The following HIPK1 variants were observed in gnomAD, a reference collection of about 807,000 sequenced individuals.
HIPK1 encodes homeodomain interacting protein kinase 1, also known as homeodomain-interacting protein kinase 1.
In HIPK1, 28 loss-of-function variants were observed where a neutral mutation model predicts 117.1. That is an observed-to-expected ratio of 0.24 (90% CI 0.18 to 0.33). The LOEUF (loss-of-function observed/expected upper bound fraction) is 0.33. Ranked by LOEUF, HIPK1 falls within the 10% of genes least tolerant of loss-of-function variation. HIPK1 has a pLI of 1.00. For synonymous variants in HIPK1, 605 were observed against 562.5 expected (o/e 1.08, Z -1.07); for missense variants, 1,122 against 1,475.1 (o/e 0.76, Z 3.92).
chr1:113,957,212 A>G lies in HIPK1; in HGVS notation c.1681A>G (p.Thr561Ala). The G allele has an allele frequency of 6.2e-7, 1 of 1,613,696 alleles. No homozygotes were observed. Among genetic ancestry groups the G allele is most frequent in the Non-Finnish European group, 8.5e-7 (1 of 1,179,624 alleles). ...GAGTCAGATCAAGAGTCCCTTCACT[A>G]CACATGTTGCCCCAAATACAAGCAC... ...TVSQIKSPFT[T>A]HVAPNTSTNL... is the part of the protein sequence containing the mutation. Residue 561 changes from threonine (T) to alanine (A), a missense_variant, in exon 7 of 16, where the codon ACA (threonine) becomes GCA (alanine). Thr to Ala is a moderately conservative substitution (Grantham distance 58, BLOSUM62 0). This residue lies in a region of HIPK1 where 731 missense variants were observed against 860.4 expected (regional missense o/e 0.85). Transcript: ENST00000426820.
At chr1:113,964,043 T>G (rs1672299039) in intron 10 of HIPK1, among the ~76,000 whole-genome samples, 2 of 152,222 alleles carry the variant, frequency 1.3e-5, no homozygotes, top group African/African-American at 4.8e-5. Flanking sequence ...TGCTCTTAAT[T>G]TATTGCTTTC....
At position 113,975,660 on chromosome 1, in the gene HIPK1, A is replaced by T. The variant is rs1234808389; in HGVS notation, c.*2148A>T. ...GTATTGCTTACCATGTCCCCATACT[A>T]TGAGGAGAAGTTTTGTGGTGCCGCT... On this transcript the variant is annotated 3_prime_UTR_variant, in exon 16 of 16. Transcript: ENST00000426820. 1 of 152,708 alleles carries T rather than the reference A, an allele frequency of 6.5e-6. No individual in the cohort carries two copies. The highest frequency in any genetic ancestry group is 1.9e-4 in the East Asian group (1 of 5,328). The allele number at this position is 152,708 out of a possible 1,614,324, so 9.5% of individuals were successfully genotyped here. A position where few individuals can be genotyped will look rare whatever the true frequency, so the allele number is the denominator to read the frequency against.
At position 113,974,943 on chromosome 1, in the gene HIPK1, A is replaced by C. The variant is rs1168263336; in HGVS notation, c.*1431A>C. 1.3e-5 allele frequency: 2 copies of C among 152,812 alleles called. No individual in the cohort carries two copies. The highest frequency in any genetic ancestry group is 2.4e-5 in the African/African-American group (1 of 41,460). 9.5% of individuals were successfully genotyped at this position (152,812 alleles called of 1,614,324 possible). ...ATGTCTCCATTGTATTTAAACCAAA[A>C]TGAACTGATACTTGTTGGAATGTAT... On this transcript the variant is annotated 3_prime_UTR_variant, in exon 16 of 16. Transcript: ENST00000426820.
At chr1:113,939,424 G>A (rs886754683) in intron 1 of HIPK1, among the ~76,000 whole-genome samples, 14 of 151,490 alleles carry the variant, frequency 9.2e-5, no homozygotes, top group African/African-American at 1.7e-4. Flanking sequence ...GGCTTGAGGC[G>A]TTGGATGTGT....
At chr1:113,942,652 A>G (rs1426706377) in intron 2 of HIPK1, among the ~76,000 whole-genome samples, 1 of 152,176 alleles carries the variant, frequency 6.6e-6, no homozygotes, top group Non-Finnish European at 1.5e-5. Context: ...TTAATGATAT[A>G]TATTTCTAGA....
intron 14 of HIPK1, 107 bp downstream of exon 14, chr1:113,970,304 C>A: frequency 2.4e-6 from 3 of 1,247,668 alleles, no homozygotes; most frequent in Non-Finnish European, 3.4e-6. Flanking sequence ...GTGGTGTAGA[C>A]ATTCTTAAAG....
intron 1 of HIPK1, chr1:113,933,155 C>T: frequency 1.0e-6 from 1 of 984,556 alleles, no homozygotes; most frequent in Non-Finnish European, 1.2e-6. Context: ...CCAAATAAAT[C>T]TAAGTGAACT....
intron 2 of HIPK1, among the ~76,000 whole-genome samples, chr1:113,947,827 A>G (rs899926379): frequency 1.2e-4 from 19 of 152,202 alleles, no homozygotes; most frequent in Non-Finnish European, 4.4e-5. Context: ...AATTAATGCC[A>G]TTTTCCTACT....
chr1:113,952,800 G>A lies in HIPK1; in HGVS notation c.1111G>A (p.Glu371Lys). Reference sequence around the variant, plus strand: ...AATTATTCTTGGGTTACCATTTTGTGAAGCTATTGATATGTGGTCACTGGG... The same window carrying A: ...AATTATTCTTGGGTTACCATTTTGTAAAGCTATTGATATGTGGTCACTGGG... ...PEIILGLPFC[E>K]AIDMWSLGCV... The change falls in exon 3 of 16, where the codon GAA (glutamate) becomes AAA (lysine). Residue 371 changes from glutamate (E) to lysine (K), a missense_variant. Coordinates refer to ENST00000426820, the MANE Select transcript of HIPK1 (RefSeq NM_198268.3). The A allele has an allele frequency of 6.7e-7, 1 of 1,499,696 alleles. No homozygotes were observed. Among genetic ancestry groups the A allele is most frequent in the East Asian group, 2.5e-5 (1 of 39,966 alleles). 92.9% of individuals were successfully genotyped at this position (1,499,696 alleles called of 1,614,324 possible). A position where few individuals can be genotyped will look rare whatever the true frequency, so the allele number is the denominator to read the frequency against.
intron 2 of HIPK1, among the ~76,000 whole-genome samples, chr1:113,949,072 A>G (rs973191858): frequency 6.6e-6 from 1 of 152,188 alleles, no homozygotes; most frequent in Non-Finnish European, 1.5e-5. Context: ...TCCTGACCTC[A>G]GGCCATCCAC....
At chr1:113,967,726 G>A in intron 11 of HIPK1, 40 bp from the exon 12 acceptor site, 1 of 1,399,358 alleles carries the variant, frequency 7.1e-7, no homozygotes, top group Non-Finnish European at 9.5e-7. Flanking sequence ...TTCTTCAGTG[G>A]TTTTGGAATT....
chr1:113,971,227 A>G (rs907435285), intron 14 of HIPK1, among the ~76,000 whole-genome samples: 2 of 152,260 alleles, frequency 1.3e-5, no homozygotes, highest in Admixed American at 6.5e-5. Context: ...GCTACTGAAT[A>G]GAATTATTAG....
intron 1 of HIPK1, among the ~76,000 whole-genome samples, chr1:113,937,999 C>G (rs1359839955): frequency 2.0e-5 from 3 of 151,884 alleles, no homozygotes; most frequent in Non-Finnish European, 4.4e-5. Context: ...GGATCTAGCT[C>G]TGTTGCCCAG....
rs1672964027 is a variant in HIPK1 at position 113,973,262 on chromosome 1, C to G, written c.3383C>G (p.Ser1128Cys). Residue 1128 changes from serine (S) to cysteine (C), a missense_variant, in exon 16 of 16, where the codon TCC (serine) becomes TGC (cysteine). Transcript: ENST00000426820. Reference sequence around the variant, plus strand: ...GCTGCTGCACTGGGCTCAACCAGCTCCATTGCTCATCTTTTCTCCCCACAG... The same window carrying G: ...GCTGCTGCACTGGGCTCAACCAGCTGCATTGCTCATCTTTTCTCCCCACAG... Reference protein sequence around the residue: ...TSAAALGSTSSIAHLFSPQGS... With the variant: ...TSAAALGSTSCIAHLFSPQGS... The G allele has an allele frequency of 6.2e-7, 1 of 1,614,042 alleles. No individual in the cohort carries two copies. The highest frequency in any genetic ancestry group is 8.5e-7 in the Non-Finnish European group (1 of 1,180,036).
rs1020242074 is a variant in HIPK1 at position 113,975,669 on chromosome 1, A to G, written c.*2157A>G. Reference sequence around the variant, plus strand: ...ACCATGTCCCCATACTATGAGGAGAAGTTTTGTGGTGCCGCTGGTGACAAG... The same window carrying G: ...ACCATGTCCCCATACTATGAGGAGAGGTTTTGTGGTGCCGCTGGTGACAAG... On this transcript the variant is annotated 3_prime_UTR_variant, in exon 16 of 16. Transcript: ENST00000426820. 1 of 152,736 alleles carries G rather than the reference A, an allele frequency of 6.5e-6. No individual in the cohort carries two copies. Among genetic ancestry groups the G allele is most frequent in the Non-Finnish European group, 1.5e-5 (1 of 68,034 alleles). 9.5% of individuals were successfully genotyped at this position (152,736 alleles called of 1,614,324 possible).
chr1:113,929,878 G>A, intron 1 of HIPK1: 1 of 987,350 alleles, frequency 1.0e-6, no homozygotes, highest in South Asian at 4.6e-5. Context: ...CCCAGATCTC[G>A]TCTCCTCCGC....
At chr1:113,958,868 C>T (rs1671905542) in intron 8 of HIPK1, among the ~76,000 whole-genome samples, 2 of 152,186 alleles carry the variant, frequency 1.3e-5, no homozygotes, top group South Asian at 4.1e-4. Context: ...GCTTATGAAT[C>T]ATATAGTTCC....
chr1:113,957,981 T>G, intron 7 of HIPK1, 85 bp from the exon 8 acceptor site: 1 of 1,031,924 alleles, frequency 9.7e-7, no homozygotes, highest in East Asian at 2.4e-5. Context: ...TTATTCTACG[T>G]TTTTCTGGAT....
At chr1:113,929,652 G>GGGGCCCGGCGGT in intron 1 of HIPK1, 120 bp downstream of exon 1, 1 of 972,918 alleles carries the variant, frequency 1.0e-6, no homozygotes, top group Non-Finnish European at 1.4e-6. Flanking sequence ...TGCGGAGCAA[G>GGGGCCCGGCGGT]GGGCCCGGCG....
Sources: allele counts gnomAD v4.1 joint callset (sites outside exome capture counted in the v4.1 genomes callset), GRCh38; gene constraint gnomAD v4.1.1; regional missense constraint gnomAD v4.1.1; transcripts MANE v1.5; gene names NCBI Gene and HGNC (gene_info 2026-07-23, HGNC 2026-07-21).